GPHN: variants seen among roughly 807,000 people sequenced by gnomAD.
GPHN encodes the protein gephyrin.
GPHN carries 17 observed loss-of-function variants against 95.5 expected under a neutral mutation model. That is an observed-to-expected ratio of 0.18 (90% CI 0.12 to 0.27). GPHN has a LOEUF of 0.27. GPHN is among the 10% of genes least tolerant of loss of function. The probability of loss-of-function intolerance (pLI) is 1.00; values close to 1 mark genes in which losing one functional copy is unlikely to be tolerated. For synonymous variants in GPHN, 320 were observed against 322.5 expected, an observed-to-expected ratio of 0.99 and a Z score of 0.08; for missense variants, 660 against 978.1, an observed-to-expected ratio of 0.67 and a Z score of 4.34.
the GPHN span, among the ~76,000 whole-genome samples, chr14:67,190,462 A>G: frequency 6.6e-6 from 1 of 151,890 alleles, no homozygotes; most frequent in African/African-American, 2.4e-5. Context: ...ACCTCAAGAG[A>G]TCCACCTGCC....
chr14:66,646,737 A>G (rs2064767743), intron 1 of GPHN, among the ~76,000 whole-genome samples: 1 of 152,080 alleles, frequency 6.6e-6, no homozygotes. Flanking sequence ...GGAGTAGGAA[A>G]TGGGGAGCTG....
At chr14:67,102,528 C>A (rs566501531) in intron 13 of GPHN, among the ~76,000 whole-genome samples, 281 of 151,976 alleles carry the variant, frequency 1.8e-3, no homozygotes, top group African/African-American at 6.6e-3. Flanking sequence ...GGCGTGGTGG[C>A]ACATGGCTGT....
intron 9 of GPHN, among the ~76,000 whole-genome samples, chr14:67,015,726 TTGCTA>T (rs1297753379): frequency 1.4e-4 from 21 of 151,948 alleles, no homozygotes; most frequent in Non-Finnish European, 3.1e-4. Flanking sequence ...AAAAATAACA[TTGCTA>T]CTCTCTATCA....
intron 10 of GPHN, among the ~76,000 whole-genome samples, chr14:67,045,329 T>A (rs954688839): frequency 6.6e-6 from 1 of 152,216 alleles, no homozygotes; most frequent in Admixed American, 6.5e-5. Context: ...AGCTTTTTGC[T>A]ATGAGGCCTA....
chr14:66,839,266 A>G (rs537866818), intron 4 of GPHN, among the ~76,000 whole-genome samples: 1 of 152,260 alleles, frequency 6.6e-6, no homozygotes, highest in African/African-American at 2.4e-5. Flanking sequence ...GAAGCAGTCC[A>G]TCATGCTGGA....
the GPHN span, among the ~76,000 whole-genome samples, chr14:67,544,007 TC>T: frequency 2.0e-5 from 3 of 152,106 alleles, no homozygotes; most frequent in Non-Finnish European, 2.9e-5. Flanking sequence ...AGTTTTAATA[TC>T]TGTGGGGATA....
chr14:66,561,014 C>T (rs2060210688), intron 1 of GPHN, among the ~76,000 whole-genome samples: 1 of 152,150 alleles, frequency 6.6e-6, no homozygotes, highest in Admixed American at 6.6e-5. Flanking sequence ...TGGTTTTTGT[C>T]TCTGGTTCTG....
At chr14:66,784,238 CAG>C (rs1474030768) in intron 3 of GPHN, among the ~76,000 whole-genome samples, 1 of 152,056 alleles carries the variant, frequency 6.6e-6, no homozygotes, top group East Asian at 1.9e-4. Context: ...AGAAAACTCA[CAG>C]GGGGCAACAG....
chr14:67,245,761 T>C, the GPHN span, among the ~76,000 whole-genome samples: 1 of 152,226 alleles, frequency 6.6e-6, no homozygotes, highest in Admixed American at 6.5e-5. Context: ...TTTTGAAGTA[T>C]AGAATTTTAT....
At chr14:66,572,978 C>T (rs542161463) in intron 1 of GPHN, among the ~76,000 whole-genome samples, 1 of 152,350 alleles carries the variant, frequency 6.6e-6, no homozygotes, top group South Asian at 2.1e-4. Context: ...CTTTGACACA[C>T]TGGTTATTGA....
the GPHN span, among the ~76,000 whole-genome samples, chr14:67,332,162 C>T: frequency 6.6e-6 from 1 of 152,144 alleles, no homozygotes; most frequent in South Asian, 2.1e-4. Context: ...CTTTCTTGAA[C>T]CCATGTGCCT....
chr14:67,047,469 A>T (rs2075092754), intron 10 of GPHN, among the ~76,000 whole-genome samples: 1 of 149,616 alleles, frequency 6.7e-6, no homozygotes, highest in Non-Finnish European at 1.5e-5. Flanking sequence ...GGATTCAAGG[A>T]ATTCTCGTGC....
intron 9 of GPHN, among the ~76,000 whole-genome samples, chr14:67,007,852 A>G (rs72730442): frequency 0.059 from 9,010 of 152,132 alleles, 325 homozygotes; most frequent in Middle Eastern, 0.085. Flanking sequence ...AAGAGGGAGG[A>G]GTGATGGAAG....
At chr14:66,841,855 A>G (rs912160194) in intron 4 of GPHN, among the ~76,000 whole-genome samples, 3 of 152,112 alleles carry the variant, frequency 2.0e-5, no homozygotes, top group Non-Finnish European at 4.4e-5. Flanking sequence ...AGCCTGGACA[A>G]CCGGGTGAAA....
the GPHN span, among the ~76,000 whole-genome samples, chr14:67,456,931 T>C: frequency 2.6e-5 from 4 of 152,316 alleles, no homozygotes; most frequent in East Asian, 3.9e-4. Flanking sequence ...ATATATACCA[T>C]AGAATACTAT....
intron 3 of GPHN, among the ~76,000 whole-genome samples, chr14:66,806,364 T>G (rs983176882): frequency 6.6e-6 from 1 of 152,228 alleles, no homozygotes; most frequent in Non-Finnish European, 1.5e-5. Flanking sequence ...TGGAGACATT[T>G]TCCCCATTTT....
intron 10 of GPHN, among the ~76,000 whole-genome samples, chr14:67,044,008 G>T (rs980869995): frequency 3.9e-5 from 6 of 152,100 alleles, no homozygotes; most frequent in African/African-American, 1.4e-4. Context: ...TAGTTTATTT[G>T]TGTGGAGGTG....
At chr14:67,033,491 G>C (rs575169561) in intron 10 of GPHN, among the ~76,000 whole-genome samples, 1 of 152,096 alleles carries the variant, frequency 6.6e-6, no homozygotes, top group African/African-American at 2.4e-5. Context: ...TTGAACCCAG[G>C]AGGTGGAAGT....
chr14:67,411,773 A>C, the GPHN span, among the ~76,000 whole-genome samples: 1 of 152,136 alleles, frequency 6.6e-6, no homozygotes, highest in African/African-American at 2.4e-5. Context: ...CCCTGCCCCG[A>C]CTCCATACTG....
Sources: allele counts gnomAD v4.1 joint callset (sites outside exome capture counted in the v4.1 genomes callset), GRCh38; gene constraint gnomAD v4.1.1; transcripts MANE v1.5; gene names NCBI Gene and HGNC (gene_info 2026-07-23, HGNC 2026-07-21).